The following AP3S1 variants were observed in gnomAD, a reference collection of about 807,000 sequenced individuals.
AP3S1 encodes the protein AP-3 complex subunit sigma-1.
A neutral mutation model predicts 21.3 loss-of-function variants in AP3S1; 12 were observed. That is an observed-to-expected ratio of 0.56 (90% CI 0.36 to 0.91). The LOEUF is 0.91. Among genes scored for constraint, AP3S1 ranks in the 40% least tolerant of loss-of-function variants. AP3S1 has a pLI of 0.01. For missense variants in AP3S1, 116 were observed against 225.0 expected, an observed-to-expected ratio of 0.52 and a Z score of 3.10; for synonymous variants, 48 against 78.4, an observed-to-expected ratio of 0.61 and a Z score of 2.05.
intron 1 of AP3S1, among the ~76,000 whole-genome samples, chr5:115,844,720 C>T (rs554261391): frequency 6.6e-6 from 1 of 152,148 alleles, no homozygotes; most frequent in African/African-American, 2.4e-5. Flanking sequence ...TTGTTCTAGG[C>T]CCAGCACAAA....
At position 115,845,836 on chromosome 5, in the gene AP3S1, C is replaced by CAAAAA. The variant is rs755171274; in HGVS notation, c.69+3764_69+3768dup. Among the ~76,000 whole-genome samples, 146 of 34,450 alleles carry CAAAAA rather than the reference C, an allele frequency of 4.2e-3. 30 individuals are homozygous for CAAAAA. The highest frequency in any genetic ancestry group is 6.5e-3 in the Non-Finnish European group (116 of 17,802). The allele number at this position is 34,450 out of a possible 152,430, so 22.6% of individuals were successfully genotyped here. A position where few individuals can be genotyped will look rare whatever the true frequency, so the allele number is the denominator to read the frequency against. ...TGGGTGACAGAGTGAGACTCCATCT[C>CAAAAA]AAAAAAAAAAAAAAAAAAAAAAAAA... On this transcript the variant is annotated intron_variant, in intron 1 of 5. Transcript: ENST00000316788.
chr5:115,898,228 G>C (rs527644178), intron 4 of AP3S1, among the ~76,000 whole-genome samples: 4 of 152,304 alleles, frequency 2.6e-5, no homozygotes, highest in African/African-American at 9.6e-5. Flanking sequence ...ATTGTACCAA[G>C]TATTTTGCCA....
chr5:115,872,163 T>C (rs1210803339), intron 3 of AP3S1, among the ~76,000 whole-genome samples: 2 of 152,042 alleles, frequency 1.3e-5, no homozygotes, highest in East Asian at 3.9e-4. Flanking sequence ...GGCATGCTGT[T>C]CTGCACCTGT....
At chr5:115,862,912 C>T (rs1580645859) in intron 1 of AP3S1, among the ~76,000 whole-genome samples, 1 of 152,302 alleles carries the variant, frequency 6.6e-6, no homozygotes, top group Middle Eastern at 3.4e-3. Flanking sequence ...AGATAGAGGT[C>T]TGTGGCTGTG....
chr5:115,855,694 A>G (rs974423593), intron 1 of AP3S1, among the ~76,000 whole-genome samples: 2 of 152,200 alleles, frequency 1.3e-5, no homozygotes, highest in Non-Finnish European at 2.9e-5. Context: ...AAAATACAAA[A>G]CTATAAATTC....
chr5:115,869,859 A>G (rs1010730831), intron 2 of AP3S1, among the ~76,000 whole-genome samples, 158 bp from the exon 3 acceptor site: 2 of 152,210 alleles, frequency 1.3e-5, no homozygotes, highest in Admixed American at 6.5e-5. Flanking sequence ...AGCCACCTTA[A>G]TTCACCTAGT....
At chr5:115,898,542 C>T (rs1750952159) in intron 4 of AP3S1, 1 of 152,176 alleles carries the variant, frequency 6.6e-6, no homozygotes, top group South Asian at 2.1e-4. Context: ...CTGGAGAAAA[C>T]AGAGAACAAC....
chr5:115,848,117 AAAG>A (rs1762189158), intron 1 of AP3S1, among the ~76,000 whole-genome samples: 1 of 152,206 alleles, frequency 6.6e-6, no homozygotes, highest in African/African-American at 2.4e-5. Context: ...GGCTTTTCTA[AAAG>A]AAGGCCTTAC....
chr5:115,862,133 A>G (rs898418492), intron 1 of AP3S1, among the ~76,000 whole-genome samples: 1 of 151,826 alleles, frequency 6.6e-6, no homozygotes, highest in African/African-American at 2.4e-5. Flanking sequence ...TTTTCTTATT[A>G]CAAACAGCGC....
chr5:115,867,653 T>C (rs571283648), intron 2 of AP3S1, among the ~76,000 whole-genome samples: 5 of 152,316 alleles, frequency 3.3e-5, no homozygotes, highest in Admixed American at 3.3e-4. Context: ...TACTTACAAA[T>C]TTTGCTGTTA....
chr5:115,867,858 T>C (rs1355624334), intron 2 of AP3S1, among the ~76,000 whole-genome samples: 2 of 152,216 alleles, frequency 1.3e-5, no homozygotes, highest in African/African-American at 2.4e-5. Context: ...TTAATCTTAC[T>C]AGGGTGCTAT....
chr5:115,889,823 TAAA>T (rs1165593845), intron 3 of AP3S1, among the ~76,000 whole-genome samples: 1 of 151,580 alleles, frequency 6.6e-6, no homozygotes, highest in Non-Finnish European at 1.5e-5. Flanking sequence ...AAAAAAATGA[TAAA>T]AAGACCAATA....
intron 1 of AP3S1, among the ~76,000 whole-genome samples, chr5:115,848,476 T>G (rs1449363760): frequency 6.6e-6 from 1 of 152,236 alleles, no homozygotes; most frequent in African/African-American, 2.4e-5. Flanking sequence ...TAATAGCACA[T>G]TAATAATTTG....
At chr5:115,861,459 C>T (rs571042102) in intron 1 of AP3S1, among the ~76,000 whole-genome samples, 27 of 152,262 alleles carry the variant, frequency 1.8e-4, no homozygotes, top group African/African-American at 5.1e-4. Flanking sequence ...GGAAGTAACA[C>T]GGCTTGCACA....
At chr5:115,855,268 A>G in intron 1 of AP3S1, among the ~76,000 whole-genome samples, 1 of 151,466 alleles carries the variant, frequency 6.6e-6, no homozygotes, top group East Asian at 2.0e-4. Flanking sequence ...TGAACTCCTG[A>G]CCTCAAATGA....
intron 3 of AP3S1, among the ~76,000 whole-genome samples, chr5:115,883,502 C>T (rs1749492216): frequency 1.3e-5 from 2 of 152,336 alleles, no homozygotes; most frequent in African/African-American, 4.8e-5. Context: ...TGATGCCCCA[C>T]CCTGCTTCTG....
chr5:115,844,350 C>T (rs1167726984), intron 1 of AP3S1, among the ~76,000 whole-genome samples: 4 of 151,898 alleles, frequency 2.6e-5, no homozygotes, highest in African/African-American at 9.7e-5. Flanking sequence ...GATAGTATTA[C>T]GTGCTGTGGA....
At chr5:115,861,112 A>G (rs1228022332) in intron 1 of AP3S1, among the ~76,000 whole-genome samples, 1 of 152,214 alleles carries the variant, frequency 6.6e-6, no homozygotes, top group Non-Finnish European at 1.5e-5. Flanking sequence ...TAAGTGTATG[A>G]TAGGAATAGA....
chr5:115,850,461 C>A (rs58543887), intron 1 of AP3S1, among the ~76,000 whole-genome samples: 1 of 152,186 alleles, frequency 6.6e-6, no homozygotes, highest in Admixed American at 6.5e-5. Context: ...ACCCATCCAT[C>A]TGTAGAACTT....
Sources: gnomAD v4.1 joint callset for allele counts (sites outside exome capture counted in the v4.1 genomes callset) on GRCh38, gnomAD v4.1.1 for gene constraint, MANE v1.5 for transcripts, NCBI Gene and HGNC (gene_info 2026-07-23, HGNC 2026-07-21) for gene names.